CLEC16A: variants seen among roughly 807,000 people sequenced by gnomAD.
CLEC16A encodes the protein protein CLEC16A.
Under a neutral mutation model 109.5 loss-of-function variants are expected in CLEC16A, and 51 were observed. The observed-to-expected ratio is 0.47, with a 90% CI of 0.37 to 0.59. CLEC16A has a LOEUF of 0.59. Among genes scored for constraint, CLEC16A ranks in the 20% least tolerant of loss-of-function variants. The pLI, the probability that CLEC16A is intolerant of heterozygous loss-of-function variation, is 0.00. For synonymous variants in CLEC16A, 673 were observed against 564.2 expected (o/e 1.19, Z -2.73); for missense variants, 1,339 against 1,394.0 (o/e 0.96, Z 0.63).
At chr16:11,016,494 G>A (rs1458203145) in intron 11 of CLEC16A, among the ~76,000 whole-genome samples, 1 of 151,658 alleles carries the variant, frequency 6.6e-6, no homozygotes, top group Non-Finnish European at 1.5e-5. Flanking sequence ...GATTACAGGC[G>A]CCCGCCACCA....
intron 22 of CLEC16A, among the ~76,000 whole-genome samples, chr16:11,150,604 T>G (rs532370987): frequency 2.8e-4 from 42 of 152,230 alleles, no homozygotes; most frequent in Non-Finnish European, 5.4e-4. Context: ...CAGAAGCACT[T>G]CCCTGTACTG....
chr16:11,016,032 T>C (rs531630883), intron 11 of CLEC16A, among the ~76,000 whole-genome samples: 1 of 152,350 alleles, frequency 6.6e-6, no homozygotes, highest in South Asian at 2.1e-4. Flanking sequence ...CCTATACATA[T>C]GACATTTAAG....
At chr16:11,071,553 C>A (rs1415449600) in intron 19 of CLEC16A, among the ~76,000 whole-genome samples, 2 of 150,654 alleles carry the variant, frequency 1.3e-5, no homozygotes, top group African/African-American at 4.9e-5. Flanking sequence ...AAGACATTTG[C>A]ATATGGATTG....
chr16:11,108,296 C>T (rs1465110738), intron 19 of CLEC16A, among the ~76,000 whole-genome samples: 1 of 152,262 alleles, frequency 6.6e-6, no homozygotes, highest in African/African-American at 2.4e-5. Context: ...ACAGCATTTC[C>T]TAAGCCAAAG....
chr16:11,168,491 G>A (rs2068367444), intron 23 of CLEC16A, among the ~76,000 whole-genome samples: 1 of 152,252 alleles, frequency 6.6e-6, no homozygotes, highest in South Asian at 2.1e-4. Flanking sequence ...AAAAGCCTGA[G>A]GCCCAGCCTG....
chr16:11,147,069 G>A (rs1024675208), intron 22 of CLEC16A, among the ~76,000 whole-genome samples: 1 of 152,132 alleles, frequency 6.6e-6, no homozygotes, highest in Non-Finnish European at 1.5e-5. Context: ...TAGAGGAAGA[G>A]CGCCGAGAAC....
rs76330865 is a variant in CLEC16A, at chr16:10,958,008, C to T, written c.209+98C>T. 3,348 of 1,226,132 alleles carry T rather than the reference C, an allele frequency of 2.7e-3. 16 individuals carry two copies. The highest frequency in any genetic ancestry group is 7.8e-3 in the South Asian group (530 of 67,696). 76.0% of individuals were successfully genotyped at this position (1,226,132 alleles called of 1,614,324 possible). ...CATTCTGGATGATGTCAGGATTTGA[C>T]GCTAATTTGATCTTGCCTAGATATC... On this transcript the variant is annotated intron_variant, in intron 2 of 23. Coordinates refer to ENST00000409790, the MANE Select transcript of CLEC16A (RefSeq NM_015226.3).
In CLEC16A at chr16:10,944,621, C is replaced by A; in HGVS notation, c.-97C>A. The A allele has an allele frequency of 1.7e-6, 2 of 1,205,790 alleles. No homozygotes were observed. Among genetic ancestry groups the A allele is most frequent in the Non-Finnish European group, 2.3e-6 (2 of 854,838 alleles). 74.7% of individuals were successfully genotyped at this position (1,205,790 alleles called of 1,614,324 possible). A position where few individuals can be genotyped will look rare whatever the true frequency, so the allele number is the denominator to read the frequency against. On this transcript the variant is annotated 5_prime_UTR_variant, in exon 1 of 24. Transcript: ENST00000409790. ...CTCGCGGTTCCTCCACCGCCTCCGC[C>A]GCCGCATCCTCCGCTTGTGCTACCG...
At chr16:11,043,076 A>G (rs553617732) in intron 15 of CLEC16A, among the ~76,000 whole-genome samples, 2 of 131,282 alleles carry the variant, frequency 1.5e-5, no homozygotes, top group Admixed American at 1.4e-4. Context: ...TTGTGTATAT[A>G]TATACACACA....
chr16:11,050,185 T>C (rs1330458960), intron 17 of CLEC16A, among the ~76,000 whole-genome samples: 2 of 152,248 alleles, frequency 1.3e-5, no homozygotes, highest in Non-Finnish European at 2.9e-5. Context: ...GAACTCACTC[T>C]TATAACAAAG....
chr16:10,995,982 C>T (rs1264302014), intron 10 of CLEC16A, among the ~76,000 whole-genome samples: 1 of 152,120 alleles, frequency 6.6e-6, no homozygotes, highest in African/African-American at 2.4e-5. Flanking sequence ...GAATCTCAGG[C>T]CCTGGAATCT....
chr16:11,019,295 G>A (rs1251227177), intron 11 of CLEC16A, among the ~76,000 whole-genome samples: 2 of 152,108 alleles, frequency 1.3e-5, no homozygotes, highest in African/African-American at 4.8e-5. Flanking sequence ...TTTCTTTGGT[G>A]GTTCATAACT....
At chr16:11,089,644 C>G (rs2050196051) in intron 19 of CLEC16A, among the ~76,000 whole-genome samples, 2 of 152,218 alleles carry the variant, frequency 1.3e-5, no homozygotes, top group Admixed American at 6.5e-5. Context: ...GAAGCTTACC[C>G]ATCTGCTGAG....
At chr16:11,148,069 C>T (rs1196316270) in intron 22 of CLEC16A, among the ~76,000 whole-genome samples, 2 of 152,134 alleles carry the variant, frequency 1.3e-5, no homozygotes, top group African/African-American at 4.8e-5. Context: ...TCATACCTTT[C>T]CAGAAATCTC....
At chr16:11,096,989 G>A (rs1409928376) in intron 19 of CLEC16A, among the ~76,000 whole-genome samples, 1 of 152,114 alleles carries the variant, frequency 6.6e-6, no homozygotes, top group Non-Finnish European at 1.5e-5. Context: ...CATTTTAACA[G>A]CATTTTTAAA....
chr16:10,998,365 G>C (rs989170041), intron 10 of CLEC16A, among the ~76,000 whole-genome samples: 1 of 152,182 alleles, frequency 6.6e-6, no homozygotes, highest in African/African-American at 2.4e-5. Context: ...CAGCAAAGAG[G>C]CTCCTTCCCT....
At chr16:10,999,574 A>G (rs2044539507) in intron 10 of CLEC16A, among the ~76,000 whole-genome samples, 1 of 152,192 alleles carries the variant, frequency 6.6e-6, no homozygotes, top group South Asian at 2.1e-4. Context: ...TAATTACCTA[A>G]CAACTCCCCT....
intron 19 of CLEC16A, among the ~76,000 whole-genome samples, chr16:11,098,175 G>T (rs1431276327): frequency 6.6e-6 from 1 of 152,236 alleles, no homozygotes; most frequent in Non-Finnish European, 1.5e-5. Context: ...CGAGGCCTCT[G>T]CAGCACGCAC....
rs558239602 is a variant in CLEC16A at position 11,081,191 on chromosome 16, C to T, written c.2116+20169C>T. Among the ~76,000 whole-genome samples, 11 of 152,326 alleles carry T rather than the reference C, an allele frequency of 7.2e-5. No homozygotes were observed. The South Asian group carries it at 2.3e-3, about 32-fold the overall frequency. ...GCAGATCCCTCTGACCTTGCAGCCCCGGTGCAGGGTGGAGGCATGCCCAGT... is the reference window on the plus strand; with the variant it reads ...GCAGATCCCTCTGACCTTGCAGCCCTGGTGCAGGGTGGAGGCATGCCCAGT... On this transcript the variant is annotated intron_variant, in intron 19 of 23. Transcript: ENST00000409790.
Sources: gnomAD v4.1 joint callset for allele counts (sites outside exome capture counted in the v4.1 genomes callset) on GRCh38, gnomAD v4.1.1 for gene constraint, MANE v1.5 for transcripts, NCBI Gene and HGNC (gene_info 2026-07-23, HGNC 2026-07-21) for gene names.